GPC6: variants seen among roughly 807,000 people sequenced by gnomAD.
The protein encoded by GPC6 is glypican-6.
Under a neutral mutation model 55.2 loss-of-function variants are expected in GPC6, and 14 were observed. That is an observed-to-expected ratio of 0.25 (90% CI 0.17 to 0.40). The LOEUF (loss-of-function observed/expected upper bound fraction) is 0.40. Ranked by LOEUF, GPC6 falls within the 10% of genes least tolerant of loss-of-function variation. The pLI is 1.00. For synonymous variants in GPC6, 278 were observed against 259.6 expected, an observed-to-expected ratio of 1.07 and a Z score of -0.68; for missense variants, 641 against 708.5, an observed-to-expected ratio of 0.90 and a Z score of 1.08.
intron 4 of GPC6, among the ~76,000 whole-genome samples, chr13:94,050,072 G>A (rs936094827): frequency 1.3e-5 from 2 of 152,068 alleles, no homozygotes; most frequent in Non-Finnish European, 2.9e-5. Flanking sequence ...AGAACTGTGA[G>A]TCCATTAAAC....
At chr13:94,287,268 A>G (rs141851651) in intron 5 of GPC6, among the ~76,000 whole-genome samples, 44 of 152,312 alleles carry the variant, frequency 2.9e-4, no homozygotes, top group African/African-American at 9.6e-4. Flanking sequence ...AACCAAATCT[A>G]TATCAGTCCT....
chr13:93,822,338 C>T (rs527487857), intron 2 of GPC6, among the ~76,000 whole-genome samples: 49 of 152,066 alleles, frequency 3.2e-4, no homozygotes, highest in African/African-American at 1.0e-3. Context: ...CAGAAGCCCC[C>T]GCTTTTAGGA....
intron 6 of GPC6, among the ~76,000 whole-genome samples, chr13:94,342,286 T>C (rs1367666880): frequency 6.6e-6 from 1 of 152,180 alleles, no homozygotes; most frequent in Non-Finnish European, 1.5e-5. Context: ...GAGACCTTAA[T>C]TGAGAATAGG....
intron 1 of GPC6, among the ~76,000 whole-genome samples, chr13:93,261,513 G>A (rs892949386): frequency 6.6e-6 from 1 of 152,076 alleles, no homozygotes; most frequent in Non-Finnish European, 1.5e-5. Context: ...TTTAACATTC[G>A]AAGGCATAAG....
chr13:93,823,304 CTTAGGATAGACTACAAAGCCA>C (rs2138969342), intron 2 of GPC6, among the ~76,000 whole-genome samples: 1 of 152,172 alleles, frequency 6.6e-6, no homozygotes, highest in East Asian at 1.9e-4. Context: ...GAAAATTTGA[CTTAGGATAGACTACAAAGCCA>C]TCCTGCTGTC....
chr13:94,123,093 A>C (rs2138856068), intron 4 of GPC6, among the ~76,000 whole-genome samples: 1 of 152,250 alleles, frequency 6.6e-6, no homozygotes, highest in Admixed American at 6.6e-5. Context: ...TATGAGTTAT[A>C]TTATAAATGT....
At chr13:93,966,780 AGC>A (rs900682062) in intron 3 of GPC6, among the ~76,000 whole-genome samples, 1 of 150,990 alleles carries the variant, frequency 6.6e-6, no homozygotes, top group Non-Finnish European at 1.5e-5. Flanking sequence ...CCTCCCAAGT[AGC>A]TGGGACTACA....
At chr13:93,815,367 C>G (rs570574779) in intron 2 of GPC6, among the ~76,000 whole-genome samples, 1 of 152,118 alleles carries the variant, frequency 6.6e-6, no homozygotes, top group South Asian at 2.1e-4. Context: ...GAAATATAAA[C>G]AATTTGAAAT....
intron 4 of GPC6, among the ~76,000 whole-genome samples, chr13:94,242,041 T>C (rs974779178): frequency 2.0e-5 from 3 of 152,168 alleles, no homozygotes; most frequent in East Asian, 1.9e-4. Context: ...TTACATTAGG[T>C]ATATCTCCTA....
chr13:94,338,072 C>T (rs1877812857), intron 6 of GPC6, among the ~76,000 whole-genome samples: 1 of 152,192 alleles, frequency 6.6e-6, no homozygotes, highest in Non-Finnish European at 1.5e-5. Flanking sequence ...GATTTCTTTC[C>T]GTGAGCATTG....
At chr13:93,895,860 A>G (rs1344457803) in intron 3 of GPC6, among the ~76,000 whole-genome samples, 1 of 152,070 alleles carries the variant, frequency 6.6e-6, no homozygotes, top group East Asian at 1.9e-4. Context: ...ACAGAGTAGA[A>G]TGATGGTTAC....
At chr13:94,353,584 TATATAC>T (rs1393198495) in intron 6 of GPC6, among the ~76,000 whole-genome samples, 2 of 151,810 alleles carry the variant, frequency 1.3e-5, no homozygotes, top group South Asian at 4.1e-4. Flanking sequence ...CATATATATA[TATATAC>T]ACACACACAC....
chr13:93,990,903 G>C (rs1453748007), intron 3 of GPC6, among the ~76,000 whole-genome samples: 3 of 149,434 alleles, frequency 2.0e-5, no homozygotes, highest in Non-Finnish European at 3.0e-5. Flanking sequence ...AGGGAGAGGG[G>C]AGAGAGAGAG....
intron 1 of GPC6, among the ~76,000 whole-genome samples, chr13:93,400,462 C>T (rs1240916381): frequency 6.8e-5 from 9 of 132,534 alleles, no homozygotes; most frequent in South Asian, 2.5e-4. Flanking sequence ...AGGGTAGTGG[C>T]GGGGACAGGG....
chr13:94,008,199 TTTGTAA>T (rs1882097742), intron 3 of GPC6, among the ~76,000 whole-genome samples: 1 of 152,136 alleles, frequency 6.6e-6, no homozygotes, highest in Non-Finnish European at 1.5e-5. Flanking sequence ...GACTCTGAAC[TTTGTAA>T]TTGCACAGAA....
At chr13:94,096,777 A>T (rs1885673633) in intron 4 of GPC6, among the ~76,000 whole-genome samples, 1 of 152,218 alleles carries the variant, frequency 6.6e-6, no homozygotes, top group African/African-American at 2.4e-5. Context: ...AGTTACAAGC[A>T]AACAGAAATC....
At chr13:93,762,808 G>A (rs1884995305) in intron 2 of GPC6, among the ~76,000 whole-genome samples, 1 of 152,108 alleles carries the variant, frequency 6.6e-6, no homozygotes, top group African/African-American at 2.4e-5. Flanking sequence ...TGAATGATTG[G>A]CGACCATACT....
At chr13:93,244,434 G>T (rs988709874) in intron 1 of GPC6, among the ~76,000 whole-genome samples, 4 of 152,266 alleles carry the variant, frequency 2.6e-5, no homozygotes, top group African/African-American at 4.8e-5. Context: ...TTATGCTTAA[G>T]ATTAGGTTGC....
chr13:94,271,925 T>C (rs1381121496), intron 4 of GPC6, among the ~76,000 whole-genome samples: 1 of 152,224 alleles, frequency 6.6e-6, no homozygotes, highest in Non-Finnish European at 1.5e-5. Context: ...GATGAAGTCA[T>C]TCACTTCCTA....
Sources: gnomAD v4.1 joint callset for allele counts (sites outside exome capture counted in the v4.1 genomes callset) on GRCh38, gnomAD v4.1.1 for gene constraint, MANE v1.5 for transcripts, NCBI Gene and HGNC (gene_info 2026-07-23, HGNC 2026-07-21) for gene names.